Variants in CSPG4 observed in about 807,000 individuals in gnomAD.
The protein encoded by CSPG4 is chondroitin sulfate proteoglycan 4 (melanoma-associated).
In CSPG4, 74 loss-of-function variants were observed where a neutral mutation model predicts 139.3. The ratio of observed to expected loss-of-function variants is 0.53; its 90% CI spans 0.44 to 0.64. The LOEUF (loss-of-function observed/expected upper bound fraction) is 0.64, where lower values mean the gene tolerates loss of function less well. Among genes scored for constraint, CSPG4 ranks in the 30% least tolerant of loss-of-function variants. The pLI, the probability that CSPG4 is intolerant of heterozygous loss-of-function variation, is 0.00. For missense variants in CSPG4, 2,565 were observed against 3,148.3 expected (o/e 0.81, Z 4.43); for synonymous variants, 1,234 against 1,394.2 (o/e 0.89, Z 2.56).
At chr15:75,705,260 G>A (rs1894355566) in intron 1 of CSPG4, among the ~76,000 whole-genome samples, 1 of 152,198 alleles carries the variant, frequency 6.6e-6, no homozygotes, top group African/African-American at 2.4e-5. Context: ...GGGCTGGCAG[G>A]CAGCCGCTGG....
At position 75,682,704 on chromosome 15, in the gene CSPG4, G is replaced by A. The variant is rs776471631; in HGVS notation, c.4686C>T (p.Asp1562=). 6.2e-6 allele frequency: 10 copies of A among 1,612,878 alleles called. No individual in the cohort carries two copies. The highest frequency in any genetic ancestry group is 5.0e-5 in the Admixed American group (3 of 59,998). ...AGTGTCCGGGGGAAGTGTGCTCGCC[G>A]TCAGAGAGGCGGAAGCGGAAGCCTC... ...LDGGFRFRLS[D]GEHTSPGHFF... Residue 1562 remains aspartate (D), a synonymous_variant, in exon 7 of 10, where the codon GAC becomes GAT. Coordinates refer to ENST00000308508, the MANE Select transcript of CSPG4 (RefSeq NM_001897.5).
At chr15:75,692,531 T>A (rs1207531791) in intron 2 of CSPG4, among the ~76,000 whole-genome samples, 1 of 152,126 alleles carries the variant, frequency 6.6e-6, no homozygotes. Flanking sequence ...TCTTGAAGGA[T>A]GAAATGGAAA....
intron 1 of CSPG4, among the ~76,000 whole-genome samples, chr15:75,706,111 G>A (rs1011010880): frequency 3.9e-5 from 6 of 152,198 alleles, no homozygotes; most frequent in African/African-American, 4.8e-5. Flanking sequence ...AGGGAGAAGC[G>A]GGTGTCGTGG....
chr15:75,712,901 A>C (rs1894467550), upstream of CSPG4: 2 of 610,674 alleles, frequency 3.3e-6, no homozygotes, highest in Non-Finnish European at 5.4e-6. Flanking sequence ...GCAGGCGCAG[A>C]CCCGCGCGCC....
chr15:75,690,072 G>C lies in CSPG4; in HGVS notation c.993C>G (p.Ala331=). ...SLLLGGLDAE[A]SRHLQEHRLG... is the part of the protein sequence containing the mutation. The stretch of plus-strand genomic sequence containing the variant: ...GGCGGTGTTCCTGGAGGTGACGAGA[G>C]GCCTCTGCATCCAGCCCCCCGAGAA... Residue 331 remains alanine (A), a synonymous_variant, in exon 3 of 10, where the codon GCC becomes GCG. Coordinates refer to ENST00000308508, the MANE Select transcript of CSPG4 (RefSeq NM_001897.5). 6.2e-7 allele frequency: 1 copy of C among 1,612,088 alleles called. No homozygotes were observed.
chr15:75,679,029 C>G, intron 8 of CSPG4: 1 of 333,016 alleles, frequency 3.0e-6, no homozygotes, highest in South Asian at 2.4e-5. Flanking sequence ...TCTCCAGGCT[C>G]TTTTCTGTCT....
intron 4 of CSPG4, 139 bp from the exon 5 acceptor site, chr15:75,685,051 G>T: frequency 1.6e-6 from 2 of 1,256,046 alleles, no homozygotes; most frequent in East Asian, 2.3e-5. Flanking sequence ...CTGGCTCCGA[G>T]GAGTTGTGAG....
At chr15:75,700,461 G>A (rs865972174) in intron 1 of CSPG4, among the ~76,000 whole-genome samples, 1 of 152,188 alleles carries the variant, frequency 6.6e-6, no homozygotes, top group Non-Finnish European at 1.5e-5. Flanking sequence ...CTGTGGCTCT[G>A]GGGCTGGCCG....
intron 1 of CSPG4, among the ~76,000 whole-genome samples, chr15:75,694,521 C>T (rs771592791): frequency 2.0e-5 from 3 of 152,256 alleles, no homozygotes; most frequent in Non-Finnish European, 2.9e-5. Context: ...CCGGCACCAG[C>T]CCCATGTGCT....
chr15:75,677,769 G>A lies in CSPG4; in HGVS notation c.5068C>T (p.Leu1690Phe). The A allele has an allele frequency of 6.2e-7, 1 of 1,611,478 alleles. No homozygotes were observed. Among genetic ancestry groups the A allele is most frequent in the African/African-American group, 1.3e-5 (1 of 74,844 alleles). ...GCCTCAAAAGACACAGCCACAGCAAGGGTGGCGGCCACGTCCCGGGCAGGC... is the reference window on the plus strand; with the variant it reads ...GCCTCAAAAGACACAGCCACAGCAAAGGTGGCGGCCACGTCCCGGGCAGGC... The part of the protein sequence containing the change: ...SPPARDVAAT[L>F]AVAVSFEAAC... Residue 1690 changes from leucine (L) to phenylalanine (F), a missense_variant, in exon 9 of 10, where the codon CTT (leucine) becomes TTT (phenylalanine). By Grantham distance (22) the Leu-to-Phe change is conservative (BLOSUM62 0). This residue lies in a region of CSPG4 where 2,316 missense variants were observed against 2,818.2 expected (regional missense o/e 0.82). Coordinates refer to ENST00000308508, the MANE Select transcript of CSPG4 (RefSeq NM_001897.5).
Position 75,682,915 on chromosome 15 carries a change from C to T in CSPG4, c.4576G>A (p.Ala1526Thr), listed in dbSNP as rs201339927. The T allele has an allele frequency of 1.5e-4, 240 of 1,610,586 alleles. No individual in the cohort carries two copies. The highest frequency in any genetic ancestry group is 1.9e-4 in the Non-Finnish European group (225 of 1,179,570). Residue 1526 changes from alanine to threonine, a missense_variant, in exon 6 of 10, where the codon GCG (alanine) becomes ACG (threonine). By Grantham distance (58) the Ala-to-Thr change is moderately conservative. Transcript: ENST00000308508. ...AAGCTGCGCACCTCAGTGCCCGGCG[C>T]CCCCCGCAGCACTACCCGCCCGTTG... ...PSNGRVVLRGAPGTEVRSFTQ... is the reference protein window; with the variant it reads ...PSNGRVVLRGTPGTEVRSFTQ...
In CSPG4 at chr15:75,676,646, C is replaced by T. The variant is rs749581446; in HGVS notation, c.5873G>A (p.Arg1958His). The stretch of plus-strand genomic sequence containing the variant: ...GAGCTGCTGCTGGCTCAGTGAGGAG[C>T]GCCCCAAAGCTTGGGGCACCTCCAG... ...APLEVPQALG[R>H]SSLSQQQLRV... The change falls in exon 10 of 10, where the codon CGC becomes CAC. Residue 1958 changes from arginine (R) to histidine (H), a missense_variant. Around this residue, in one of 5 missense-constraint regions of CSPG4, gnomAD observed 2,316 missense variants for 2,818.2 expected, o/e 0.82. Transcript: ENST00000308508. The T allele has an allele frequency of 2.6e-5, 42 of 1,598,764 alleles. No homozygotes were observed. Among genetic ancestry groups the T allele is most frequent in the African/African-American group, 6.7e-5 (5 of 74,580 alleles).
upstream of CSPG4, among the ~76,000 whole-genome samples, chr15:75,713,262 G>C (rs1242693669): frequency 6.6e-6 from 1 of 152,180 alleles, no homozygotes; most frequent in Non-Finnish European, 1.5e-5. Context: ...CGGCTTTTGG[G>C]CTGCTTTGCC....
At chr15:75,699,950 C>G (rs924051858) in intron 1 of CSPG4, among the ~76,000 whole-genome samples, 10 of 152,164 alleles carry the variant, frequency 6.6e-5, no homozygotes, top group Non-Finnish European at 1.0e-4. Flanking sequence ...CCTCAGTGGA[C>G]CCAGGCTGGG....
intron 1 of CSPG4, among the ~76,000 whole-genome samples, chr15:75,707,417 A>G (rs573679170): frequency 1.3e-5 from 2 of 152,362 alleles, no homozygotes; most frequent in East Asian, 3.9e-4. Flanking sequence ...CACTATATAT[A>G]ACAAATATTC....
chr15:75,712,384 C>A (rs1210274519), intron 1 of CSPG4, among the ~76,000 whole-genome samples: 1 of 152,200 alleles, frequency 6.6e-6, no homozygotes, highest in Non-Finnish European at 1.5e-5. Context: ...CTCAGACAAT[C>A]CAAACGGGCA....
Position 75,677,825 on chromosome 15 carries a change from T to A in CSPG4, c.5012A>T (p.His1671Leu). The change falls in exon 9 of 10, where the codon CAT (histidine) becomes CTT (leucine). Residue 1671 changes from histidine (H) to leucine (L), a missense_variant. Physicochemically the swap from His to Leu is moderately conservative, Grantham distance 99. Coordinates refer to ENST00000308508, the MANE Select transcript of CSPG4 (RefSeq NM_001897.5). Reference sequence around the variant, plus strand: ...GGACAGCTGGAGCTCTAGGGTATCATGGGCCTCCCAAAAGGGCTCGGGGGG... The same window carrying A: ...GGACAGCTGGAGCTCTAGGGTATCAAGGGCCTCCCAAAAGGGCTCGGGGGG... ...EMPPEPFWEA[H>L]DTLELQLSSP... 6.2e-7 allele frequency: 1 copy of A among 1,612,698 alleles called. No individual in the cohort carries two copies. The highest frequency in any genetic ancestry group is 8.5e-7 in the Non-Finnish European group (1 of 1,179,382).
chr15:75,677,577 C>A, intron 9 of CSPG4, 126 bp downstream of exon 9: 1 of 1,257,144 alleles, frequency 8.0e-7, no homozygotes, highest in South Asian at 1.5e-5. Flanking sequence ...CCCACTCACC[C>A]TCCCTGTGAC....
chr15:75,702,182 C>CCTCAA (rs1443155311), intron 1 of CSPG4, among the ~76,000 whole-genome samples: 2 of 152,194 alleles, frequency 1.3e-5, no homozygotes, highest in Non-Finnish European at 2.9e-5. Flanking sequence ...GCCAGGGTGC[C>CCTCAA]CTCAACTCTG....
Sources: allele counts gnomAD v4.1 joint callset (sites outside exome capture counted in the v4.1 genomes callset), GRCh38; gene constraint gnomAD v4.1.1; regional missense constraint gnomAD v4.1.1; transcripts MANE v1.5; gene names NCBI Gene and HGNC (gene_info 2026-07-23, HGNC 2026-07-21).